Variants in ELAPOR1 observed in about 807,000 individuals in gnomAD.
ELAPOR1 encodes endosome-lysosome associated apoptosis and autophagy regulator 1.
A neutral mutation model predicts 119.7 loss-of-function variants in ELAPOR1; 77 were observed. That is an observed-to-expected ratio of 0.64 (90% confidence interval 0.54 to 0.78). The LOEUF (loss-of-function observed/expected upper bound fraction) is 0.78. Among genes scored for constraint, ELAPOR1 ranks in the 30% least tolerant of loss-of-function variants. The probability of loss-of-function intolerance (pLI) is 0.00; values close to 1 mark genes in which losing one functional copy is unlikely to be tolerated. For missense variants in ELAPOR1, 1,115 were observed against 1,270.4 expected, an observed-to-expected ratio of 0.88 and a Z score of 1.86; for synonymous variants, 481 against 487.2, an observed-to-expected ratio of 0.99 and a Z score of 0.17.
Position 109,173,458 on chromosome 1 carries a change from T to C in ELAPOR1, c.697-16T>C. ...TTTCTCTGTGATGAATGAATGCTCC[T>C]GTTTGTGGTTTTTAGGTGGAGCTAA... On this transcript the variant is annotated splice_polypyrimidine_tract_variant and intron_variant, in intron 5 of 21. Coordinates refer to ENST00000369939, the MANE Select transcript of ELAPOR1 (RefSeq NM_020775.5). 1 of 1,605,806 alleles carries C rather than the reference T, an allele frequency of 6.2e-7. No individual in the cohort carries two copies.
At chr1:109,144,075 T>TTTTTTTTTTTTTTTTC (rs1650030034) in intron 1 of ELAPOR1, among the ~76,000 whole-genome samples, 1 of 137,734 alleles carries the variant, frequency 7.3e-6, no homozygotes, top group African/African-American at 2.8e-5. Context: ...TTTTTTTTTT[T>TTTTTTTTTTTTTTTTC]TGAGATGGAG....
Position 109,191,982 on chromosome 1 carries a change from G to A in ELAPOR1, c.1683+119G>A, listed in dbSNP as rs75195566. ...ATCTGAGGGTTAGAAGGATCTCAGG[G>A]GGTCAAGCAGAAAACTGCCTAACCC... On this transcript the variant is annotated intron_variant, in intron 13 of 21. Transcript: ENST00000369939. 2,541 of 1,273,866 alleles carry A rather than the reference G, an allele frequency of 2.0e-3. 49 individuals are homozygous for A. The African/African-American group carries it at 0.034, about 17-fold the overall frequency. The allele number at this position is 1,273,866 out of a possible 1,614,324, so 78.9% of individuals were successfully genotyped here. A position where few individuals can be genotyped will look rare whatever the true frequency, so the allele number is the denominator to read the frequency against.
chr1:109,191,596 C>T lies in ELAPOR1; in HGVS notation c.1545+125C>T, dbSNP rs1007921271. On this transcript the variant is annotated intron_variant, in intron 12 of 21. Transcript: ENST00000369939. ...TGATTCCACAGAGGAAAGGCCCAGA[C>T]TGACCAGCAGGGACTTCACAGTTTA... is the stretch of plus-strand genomic sequence containing the variant. 15 of 1,422,726 alleles carry T rather than the reference C, an allele frequency of 1.1e-5. No individual in the cohort carries two copies. In the Admixed American group the frequency reaches 1.9e-4, roughly 18 times the overall value. 88.1% of individuals were successfully genotyped at this position (1,422,726 alleles called of 1,614,324 possible). A position where few individuals can be genotyped will look rare whatever the true frequency, so the allele number is the denominator to read the frequency against.
intron 1 of ELAPOR1, among the ~76,000 whole-genome samples, chr1:109,149,847 G>C (rs561854771): frequency 1.3e-5 from 2 of 152,322 alleles, no homozygotes; most frequent in East Asian, 3.9e-4. Context: ...TGAGAGGGGG[G>C]AGCCAATTGC....
rs568415091 is a variant in ELAPOR1 at position 109,195,409 on chromosome 1, G to A, written c.2121+815G>A. 5.6e-3 allele frequency among the ~76,000 whole-genome samples: 858 copies of A among 151,884 alleles called. 8 individuals carry two copies. The highest frequency in any genetic ancestry group is 0.019 in the African/African-American group (806 of 41,338). ...CTCAGGAGGCTGAGGCAGGACAATG[G>A]CATAAACCTGGCAGGCGGAGCTTGC... On this transcript the variant is annotated intron_variant, in intron 15 of 21. Coordinates refer to ENST00000369939, the MANE Select transcript of ELAPOR1 (RefSeq NM_020775.5).
At chr1:109,170,575 G>A (rs144136517) in intron 3 of ELAPOR1, among the ~76,000 whole-genome samples, 10 of 152,244 alleles carry the variant, frequency 6.6e-5, no homozygotes, top group Admixed American at 6.5e-4. Flanking sequence ...GAGGCCCAGA[G>A]GTAAGAGAAA....
chr1:109,176,388 A>G (rs1334777398), intron 7 of ELAPOR1, among the ~76,000 whole-genome samples: 2 of 152,112 alleles, frequency 1.3e-5, no homozygotes, highest in Non-Finnish European at 2.9e-5. Flanking sequence ...CCTTTTTTAC[A>G]CAGTTTATAT....
At chr1:109,137,584 A>G (rs904889758) in intron 1 of ELAPOR1, among the ~76,000 whole-genome samples, 8 of 147,332 alleles carry the variant, frequency 5.4e-5, no homozygotes, top group Admixed American at 5.4e-4. Flanking sequence ...CTGGAGTGCA[A>G]TGGTGCAATC....
chr1:109,202,735 C>A (rs1350906693), intron 21 of ELAPOR1, among the ~76,000 whole-genome samples: 1 of 152,162 alleles, frequency 6.6e-6, no homozygotes, highest in Non-Finnish European at 1.5e-5. Flanking sequence ...CCACCACACC[C>A]CGCCTAAAAG....
chr1:109,186,045 A>G (rs943319157), intron 8 of ELAPOR1, among the ~76,000 whole-genome samples: 3 of 151,920 alleles, frequency 2.0e-5, no homozygotes, highest in African/African-American at 7.3e-5. Context: ...TGGGTATATA[A>G]TATAGCAAAT....
intron 1 of ELAPOR1, among the ~76,000 whole-genome samples, chr1:109,159,064 T>G (rs1021207833): frequency 2.0e-5 from 3 of 152,006 alleles, no homozygotes; most frequent in Non-Finnish European, 4.4e-5. Flanking sequence ...CACCTAATTT[T>G]TGTATTTTTA....
Position 109,199,865 on chromosome 1 carries a change from A to T in ELAPOR1, c.2513A>T (p.Asp838Val), listed in dbSNP as rs138171975. 292 of 1,612,512 alleles carry T rather than the reference A, an allele frequency of 1.8e-4. No homozygotes were observed. In the African/African-American group the frequency reaches 3.6e-3, roughly 20 times the overall value. The change falls in exon 19 of 22, where the codon GAT becomes GTT. Residue 838 changes from aspartate (D) to valine (V), a missense_variant. Transcript: ENST00000369939. ...GSLLLPGTCS[D>V]GTCDGCNFHF... ...TTCTGCTTTGCTAGAACGTGCTCGG[A>T]TGGGACCTGTGATGGCTGCAACTTC...
intron 7 of ELAPOR1, among the ~76,000 whole-genome samples, chr1:109,176,902 C>T (rs1293223631): frequency 6.9e-6 from 1 of 145,984 alleles, no homozygotes; most frequent in African/African-American, 2.6e-5. Context: ...GCACATGTTT[C>T]AGAGAGCACA....
At chr1:109,174,463 T>C (rs1035519416) in intron 7 of ELAPOR1, among the ~76,000 whole-genome samples, 2 of 115,216 alleles carry the variant, frequency 1.7e-5, no homozygotes, top group African/African-American at 5.7e-5. Flanking sequence ...TCAATAAATA[T>C]TGAGCCTCTC....
intron 1 of ELAPOR1, among the ~76,000 whole-genome samples, chr1:109,115,385 G>A (rs974845891): frequency 6.6e-6 from 1 of 152,092 alleles, no homozygotes; most frequent in East Asian, 1.9e-4. Context: ...CAAATATCAA[G>A]CTTGACTAAG....
intron 1 of ELAPOR1, among the ~76,000 whole-genome samples, chr1:109,144,051 A>ATTTTTT (rs1558029107): frequency 2.4e-5 from 1 of 42,200 alleles, no homozygotes; most frequent in African/African-American, 7.2e-5. Context: ...ATATATATAT[A>ATTTTTT]TATTTATATA....
At chr1:109,185,235 C>T in intron 8 of ELAPOR1, 102 bp downstream of exon 8, 1 of 894,142 alleles carries the variant, frequency 1.1e-6, no homozygotes, top group Middle Eastern at 2.9e-4. Context: ...GACATTGGCA[C>T]TAGTTAAAAC....
rs933305400 is a variant in ELAPOR1, at chr1:109,136,940, T to G, written c.153+22604T>G. ...ACATAGCAAGGCAGTTTGTGATCTT[T>G]GCCCCATATCCGTTGTGGAGGAGGG... On this transcript the variant is annotated intron_variant, in intron 1 of 21. Coordinates refer to ENST00000369939, the MANE Select transcript of ELAPOR1 (RefSeq NM_020775.5). 4.6e-5 allele frequency among the ~76,000 whole-genome samples: 7 copies of G among 152,314 alleles called. No homozygotes were observed. The East Asian group carries it at 1.4e-3, about 29-fold the overall frequency.
intron 1 of ELAPOR1, among the ~76,000 whole-genome samples, chr1:109,155,805 C>G (rs1222308749): frequency 1.3e-5 from 2 of 152,132 alleles, no homozygotes; most frequent in African/African-American, 4.8e-5. Context: ...TTCCACTCCT[C>G]CCTCTTTGTA....
Sources: allele counts gnomAD v4.1 joint callset (sites outside exome capture counted in the v4.1 genomes callset), GRCh38; gene constraint gnomAD v4.1.1; transcripts MANE v1.5; gene names NCBI Gene and HGNC (gene_info 2026-07-23, HGNC 2026-07-21).